The following TMEFF2 variants were observed in gnomAD, a reference collection of about 807,000 sequenced individuals.
TMEFF2 encodes the protein transmembrane protein with EGF like and two follistatin like domains 2.
A neutral mutation model predicts 53.8 loss-of-function variants in TMEFF2; 28 were observed. The ratio of observed to expected loss-of-function variants is 0.52; its 90% CI spans 0.39 to 0.71. The LOEUF is 0.71. Among genes scored for constraint, TMEFF2 ranks in the 30% least tolerant of loss-of-function variants. The pLI, the probability that TMEFF2 is intolerant of heterozygous loss-of-function variation, is 0.00. For synonymous variants in TMEFF2, 162 were observed against 166.3 expected, an observed-to-expected ratio of 0.97 and a Z score of 0.20; for missense variants, 353 against 455.2, an observed-to-expected ratio of 0.78 and a Z score of 2.04.
At chr2:192,005,925 G>C (rs1443328061) in intron 5 of TMEFF2, among the ~76,000 whole-genome samples, 1 of 152,124 alleles carries the variant, frequency 6.6e-6, no homozygotes, top group African/African-American at 2.4e-5. Context: ...GAATGACTGT[G>C]AGTTGTGAGA....
intron 7 of TMEFF2, among the ~76,000 whole-genome samples, chr2:191,964,322 TC>T (rs1259496431): frequency 2.2e-5 from 3 of 134,820 alleles, no homozygotes; most frequent in Non-Finnish European, 4.6e-5. Context: ...TTTCCTTCCT[TC>T]CTTTCTTTCC....
At chr2:192,004,187 CTT>C (rs1221344297) in intron 5 of TMEFF2, among the ~76,000 whole-genome samples, 1 of 152,048 alleles carries the variant, frequency 6.6e-6, no homozygotes, top group Non-Finnish European at 1.5e-5. Context: ...GGAGAGATAA[CTT>C]TGTGCTACTT....
intron 4 of TMEFF2, among the ~76,000 whole-genome samples, chr2:192,088,464 C>A (rs950872464): frequency 1.3e-5 from 2 of 152,092 alleles, no homozygotes; most frequent in African/African-American, 4.8e-5. Context: ...TGTCACCTGA[C>A]CTGACTGGCA....
intron 4 of TMEFF2, among the ~76,000 whole-genome samples, chr2:192,144,973 A>G (rs1690215532): frequency 6.6e-6 from 1 of 151,974 alleles, no homozygotes. Flanking sequence ...TTGAGTAAAC[A>G]TTATTTGTTG....
chr2:191,977,245 C>T (rs1286161831), intron 7 of TMEFF2, among the ~76,000 whole-genome samples: 2 of 152,148 alleles, frequency 1.3e-5, no homozygotes, highest in Non-Finnish European at 1.5e-5. Context: ...ACTAGTTGTG[C>T]CTGGAGCAGG....
In TMEFF2 at chr2:192,083,829, C is replaced by A. The variant is rs568579103; in HGVS notation, c.440-26054G>T. On this transcript the variant is annotated intron_variant, in intron 4 of 9. Transcript: ENST00000272771. Reference sequence around the variant, plus strand: ...GTCTCCAATTCTAAACTTGTAGGATCTATTTTGACTTAAGGTTCAACTCAT... The same window carrying A: ...GTCTCCAATTCTAAACTTGTAGGATATATTTTGACTTAAGGTTCAACTCAT... Among the ~76,000 whole-genome samples, 137 of 151,758 alleles carry A rather than the reference C, an allele frequency of 9.0e-4. 2 individuals are homozygous for A. In the South Asian group the frequency reaches 0.017, roughly 18 times the overall value.
chr2:191,984,646 A>T (rs1685933240), intron 7 of TMEFF2, among the ~76,000 whole-genome samples: 2 of 152,098 alleles, frequency 1.3e-5, no homozygotes, highest in African/African-American at 4.8e-5. Flanking sequence ...TTAGACTAAC[A>T]TAGTATACTT....
chr2:192,156,003 G>C (rs1422080292), intron 4 of TMEFF2, among the ~76,000 whole-genome samples: 1 of 142,826 alleles, frequency 7.0e-6, no homozygotes, highest in Non-Finnish European at 1.6e-5. Flanking sequence ...TTAAAATACA[G>C]AGGAACATTT....
At chr2:192,083,254 T>G (rs1012152993) in intron 4 of TMEFF2, among the ~76,000 whole-genome samples, 7 of 152,112 alleles carry the variant, frequency 4.6e-5, no homozygotes, top group African/African-American at 1.4e-4. Flanking sequence ...ACCCAGTTGT[T>G]AAAAATCACT....
At chr2:192,047,522 G>A (rs914087281) in intron 5 of TMEFF2, among the ~76,000 whole-genome samples, 6 of 152,152 alleles carry the variant, frequency 3.9e-5, no homozygotes, top group Admixed American at 1.3e-4. Flanking sequence ...GAGAGCTGTG[G>A]TAAACAATCT....
chr2:192,072,924 G>T (rs1324968645), intron 4 of TMEFF2, among the ~76,000 whole-genome samples: 8 of 151,862 alleles, frequency 5.3e-5, no homozygotes, highest in African/African-American at 9.7e-5. Flanking sequence ...CAAATGAAGA[G>T]GACTCCACCT....
chr2:192,073,772 AC>A (rs1688346925), intron 4 of TMEFF2, among the ~76,000 whole-genome samples: 1 of 151,966 alleles, frequency 6.6e-6, no homozygotes, highest in Admixed American at 6.6e-5. Flanking sequence ...CCATTCCTTC[AC>A]CTTTTAAGAA....
intron 4 of TMEFF2, chr2:192,178,133 A>C (rs770512147): frequency 4.6e-5 from 7 of 151,106 alleles, no homozygotes; most frequent in Admixed American, 1.3e-4. Context: ...CAGTCTCAGC[A>C]CAATATTTGC....
intron 7 of TMEFF2, among the ~76,000 whole-genome samples, chr2:191,991,426 CTTGCTAAT>C (rs1304814723): frequency 6.6e-6 from 1 of 152,066 alleles, no homozygotes; most frequent in African/African-American, 2.4e-5. Context: ...CAATAGCTAG[CTTGCTAAT>C]TTGCTTGTTA....
intron 3 of TMEFF2, among the ~76,000 whole-genome samples, chr2:192,182,644 T>G (rs141469327): frequency 6.6e-6 from 1 of 151,948 alleles, no homozygotes; most frequent in African/African-American, 2.4e-5. Context: ...ACATTGGCCA[T>G]AACCGTAACT....
chr2:192,014,665 T>C (rs1247662695), intron 5 of TMEFF2, among the ~76,000 whole-genome samples: 1 of 152,218 alleles, frequency 6.6e-6, no homozygotes, highest in Non-Finnish European at 1.5e-5. Flanking sequence ...ATTTGATCAT[T>C]TGATTATTCT....
chr2:192,137,653 G>A (rs1323342862), intron 4 of TMEFF2, among the ~76,000 whole-genome samples: 2 of 151,746 alleles, frequency 1.3e-5, no homozygotes, highest in Non-Finnish European at 2.9e-5. Flanking sequence ...GAAGTTCTCA[G>A]GCAAAACAAT....
chr2:192,054,668 A>G (rs1326731940), intron 5 of TMEFF2, among the ~76,000 whole-genome samples: 1 of 152,128 alleles, frequency 6.6e-6, no homozygotes, highest in Non-Finnish European at 1.5e-5. Flanking sequence ...GTCACTGCAA[A>G]TATGCTGCCT....
chr2:191,994,362 C>A (rs1686172987), intron 7 of TMEFF2, among the ~76,000 whole-genome samples: 1 of 151,266 alleles, frequency 6.6e-6, no homozygotes, highest in South Asian at 2.1e-4. Flanking sequence ...AAACCAATAT[C>A]ATCTGACTTC....
Sources: gnomAD v4.1 joint callset for allele counts (sites outside exome capture counted in the v4.1 genomes callset) on GRCh38, gnomAD v4.1.1 for gene constraint, MANE v1.5 for transcripts, NCBI Gene and HGNC (gene_info 2026-07-23, HGNC 2026-07-21) for gene names.